ADARB1: variants seen among roughly 807,000 people sequenced by gnomAD.
The protein encoded by ADARB1 is adenosine deaminase RNA specific B1.
Under a neutral mutation model 52.4 loss-of-function variants are expected in ADARB1, and 10 were observed. The observed-to-expected ratio is 0.19, with a 90% CI of 0.12 to 0.32. The LOEUF (loss-of-function observed/expected upper bound fraction) is 0.32. ADARB1 is among the 10% of genes least tolerant of loss of function. The pLI is 1.00. For missense variants in ADARB1, 643 were observed against 922.3 expected (o/e 0.70, Z 3.92); for synonymous variants, 349 against 371.1 (o/e 0.94, Z 0.68).
At chr21:45,194,879 T>G (rs1442141945) in intron 8 of ADARB1, among the ~76,000 whole-genome samples, 1 of 152,234 alleles carries the variant, frequency 6.6e-6, no homozygotes, top group Non-Finnish European at 1.5e-5. Context: ...GCTATAAATA[T>G]CTGTGTGCAG....
chr21:45,160,296 C>G (rs928538924), intron 2 of ADARB1, among the ~76,000 whole-genome samples: 1 of 152,254 alleles, frequency 6.6e-6, no homozygotes, highest in African/African-American at 2.4e-5. Context: ...TGGGAGATCC[C>G]TGCCGGGAGC....
At chr21:45,178,615 G>A (rs996382111) in intron 4 of ADARB1, among the ~76,000 whole-genome samples, 1 of 152,138 alleles carries the variant, frequency 6.6e-6, no homozygotes, top group Non-Finnish European at 1.5e-5. Flanking sequence ...TTCCAAATGT[G>A]CATTCTAGGA....
Position 45,221,937 on chromosome 21 carries a change from C to A in ADARB1, c.1927-81C>A. 6.8e-7 allele frequency: 1 copy of A among 1,469,722 alleles called. No individual in the cohort carries two copies. The highest frequency in any genetic ancestry group is 9.3e-7 in the Non-Finnish European group (1 of 1,072,402). The allele number at this position is 1,469,722 out of a possible 1,614,324, so 91.0% of individuals were successfully genotyped here. A position where few individuals can be genotyped will look rare whatever the true frequency, so the allele number is the denominator to read the frequency against. On this transcript the variant is annotated intron_variant, in intron 10 of 10. Transcript: ENST00000348831. The surrounding 1 kb of genome is among the most constrained non-coding windows in gnomAD (Gnocchi z 4.9). The stretch of plus-strand genomic sequence containing the variant: ...CCAGAAGCCAATGCAGTTCTGAAGG[C>A]CATGTTTTGGTATCTTATTAGGTGT...
chr21:45,198,734 C>A (rs893005104), intron 8 of ADARB1, among the ~76,000 whole-genome samples: 2 of 152,128 alleles, frequency 1.3e-5, no homozygotes, highest in Non-Finnish European at 2.9e-5. Context: ...TTACTACAAC[C>A]TTTATCTCCA....
At chr21:45,125,623 C>G (rs2088528368) in intron 1 of ADARB1, among the ~76,000 whole-genome samples, 1 of 152,258 alleles carries the variant, frequency 6.6e-6, no homozygotes, top group African/African-American at 2.4e-5. Flanking sequence ...GTAAGATCTT[C>G]CCACACAAGG....
chr21:45,205,684 G>A (rs1453863184), intron 9 of ADARB1, among the ~76,000 whole-genome samples: 2 of 152,190 alleles, frequency 1.3e-5, no homozygotes, highest in Non-Finnish European at 2.9e-5. Context: ...ACAGTAAAGT[G>A]AACAGGAGCT....
rs546874153 is a variant in ADARB1 at position 45,191,431 on chromosome 21, C to G, written c.1565+6340C>G. Among the ~76,000 whole-genome samples, 20 of 151,044 alleles carry G rather than the reference C, an allele frequency of 1.3e-4. No homozygotes were observed. The East Asian group carries it at 2.5e-3, about 19-fold the overall frequency. On this transcript the variant is annotated intron_variant, in intron 8 of 10. Transcript: ENST00000348831. ...TTTCCTACAGGGTTTTAGTAGGTAG[C>G]CTTCATCATGCTAGGAAAATTCTGT...
intron 9 of ADARB1, among the ~76,000 whole-genome samples, chr21:45,219,967 G>A (rs1330838660): frequency 6.7e-6 from 1 of 150,282 alleles, no homozygotes; most frequent in Non-Finnish European, 1.5e-5. Context: ...CTTTGACTGG[G>A]CCCCTTCTGC....
intron 2 of ADARB1, among the ~76,000 whole-genome samples, chr21:45,147,350 G>C (rs1184053226): frequency 6.6e-6 from 1 of 152,154 alleles, no homozygotes; most frequent in Non-Finnish European, 1.5e-5. Context: ...TCCCTTTTGT[G>C]GTTTCTTGGT....
intron 1 of ADARB1, among the ~76,000 whole-genome samples, chr21:45,119,577 C>T (rs960898432): frequency 5.3e-5 from 8 of 152,122 alleles, no homozygotes; most frequent in Non-Finnish European, 1.0e-4. Flanking sequence ...AAGAGTGTGG[C>T]CATAAACTTA....
chr21:45,143,838 C>T (rs2089867625), intron 2 of ADARB1, among the ~76,000 whole-genome samples: 1 of 152,230 alleles, frequency 6.6e-6, no homozygotes, highest in South Asian at 2.1e-4. Flanking sequence ...ATGGCATCGC[C>T]ACTACTGCCC....
intron 1 of ADARB1, among the ~76,000 whole-genome samples, chr21:45,119,564 T>C (rs17004739): frequency 0.067 from 10,192 of 152,306 alleles, 401 homozygotes; most frequent in East Asian, 0.16. Context: ...TTCTTTACTA[T>C]GTAAGAGTGT....
intron 2 of ADARB1, among the ~76,000 whole-genome samples, chr21:45,150,519 TTAA>T (rs2090230091): frequency 6.6e-6 from 1 of 152,218 alleles, no homozygotes; most frequent in Non-Finnish European, 1.5e-5. Flanking sequence ...TTAAATCATA[TTAA>T]TAATTTTATA....
chr21:45,101,351 A>G (rs1394305049), intron 1 of ADARB1, among the ~76,000 whole-genome samples: 27 of 152,304 alleles, frequency 1.8e-4, no homozygotes, highest in Non-Finnish European at 1.5e-5. Flanking sequence ...GGGCTTTAGC[A>G]GGTGCTGAAA....
intron 1 of ADARB1, among the ~76,000 whole-genome samples, chr21:45,077,341 A>G (rs542332369): frequency 6.6e-6 from 1 of 152,374 alleles, no homozygotes; most frequent in Admixed American, 6.5e-5. Flanking sequence ...GTTTGAAACC[A>G]AAAAGCTCAG....
intron 1 of ADARB1, among the ~76,000 whole-genome samples, chr21:45,120,428 C>T (rs776855444): frequency 2.0e-5 from 3 of 152,214 alleles, no homozygotes; most frequent in Non-Finnish European, 4.4e-5. Flanking sequence ...CGTGAACTGT[C>T]GATTGAATGC....
At position 45,185,608 on chromosome 21, in the gene ADARB1, G is replaced by A. The variant is rs1239205485; in HGVS notation, c.1565+517G>A. Among the ~76,000 whole-genome samples the A allele has an allele frequency of 2.6e-5, 4 of 152,192 alleles. No individual in the cohort carries two copies. The South Asian group carries it at 6.2e-4, about 24-fold the overall frequency. On this transcript the variant is annotated intron_variant, in intron 8 of 10. Coordinates refer to ENST00000348831, the MANE Select transcript of ADARB1 (RefSeq NM_001112.4). ...TTAGGCTTAGAGGAGGGCTCTGCAA[G>A]CACACTTCTGTAGTCAGCAGGCACC...
At chr21:45,186,098 G>A (rs2092095882) in intron 8 of ADARB1, among the ~76,000 whole-genome samples, 1 of 152,234 alleles carries the variant, frequency 6.6e-6, no homozygotes, top group Non-Finnish European at 1.5e-5. Context: ...TCAACTTTGT[G>A]TGTGTGTGAT....
intron 2 of ADARB1, among the ~76,000 whole-genome samples, chr21:45,129,538 T>G (rs758851189): frequency 1.1e-4 from 16 of 152,244 alleles, no homozygotes; most frequent in Non-Finnish European, 2.2e-4. Flanking sequence ...GAGCGCCCAC[T>G]GGGCCTCAGA....
Sources: allele counts gnomAD v4.1 joint callset (sites outside exome capture counted in the v4.1 genomes callset), GRCh38; gene constraint gnomAD v4.1.1; non-coding constraint Gnocchi (gnomAD v3.1); transcripts MANE v1.5; gene names NCBI Gene and HGNC (gene_info 2026-07-23, HGNC 2026-07-21).